Variants in NFX1 observed in about 807,000 individuals in gnomAD.
NFX1 encodes transcriptional repressor NF-X1.
In NFX1, 69 loss-of-function variants were observed where a neutral mutation model predicts 137.2. The observed-to-expected ratio is 0.50, with a 90% confidence interval of 0.41 to 0.61. NFX1 has a LOEUF of 0.61. Among genes scored for constraint, NFX1 ranks in the 20% least tolerant of loss-of-function variants. NFX1 has a pLI of 0.00. For synonymous variants in NFX1, 495 were observed against 474.1 expected (o/e 1.04, Z -0.57); for missense variants, 1,167 against 1,391.0 (o/e 0.84, Z 2.56).
intron 6 of NFX1, among the ~76,000 whole-genome samples, chr9:33,312,350 G>GTTAC (rs1348126608): frequency 6.6e-6 from 1 of 152,188 alleles, no homozygotes; most frequent in Non-Finnish European, 1.5e-5. Flanking sequence ...ACTTCAAGGG[G>GTTAC]TTACTGTTAG....
intron 2 of NFX1, among the ~76,000 whole-genome samples, chr9:33,298,518 C>G (rs1821439542): frequency 6.6e-6 from 1 of 152,216 alleles, no homozygotes; most frequent in Non-Finnish European, 1.5e-5. Context: ...TGGCTCACAT[C>G]TGTAATCCCA....
rs534044188 is a variant in NFX1 at position 33,351,445 on chromosome 9, GAAAAC to G, written c.2425-104_2425-100del. 107 of 1,041,646 alleles carry G rather than the reference GAAAAC, an allele frequency of 1.0e-4. No individual in the cohort carries two copies. In the African/African-American group the frequency reaches 1.3e-3, roughly 13 times the overall value. The allele number at this position is 1,041,646 out of a possible 1,614,324, so 64.5% of individuals were successfully genotyped here. A position where few individuals can be genotyped will look rare whatever the true frequency, so the allele number is the denominator to read the frequency against. ...TGGGCAACAGTGAAACCCTATATCC[GAAAAC>G]AAAACAAAACCAAACCCTGCCATAA... On this transcript the variant is annotated intron_variant, in intron 15 of 23. Transcript: ENST00000379540.
rs767363650 is a variant in NFX1, at chr9:33,366,772, C to A, written c.3183C>A (p.Ile1061=). The change falls in exon 22 of 24, where the codon ATC becomes ATA. Residue 1061 remains isoleucine (I), a splice_region_variant and synonymous_variant. Coordinates refer to ENST00000379540, the MANE Select transcript of NFX1 (RefSeq NM_002504.6). ...AGCGCAATGTGGTGGTCACTGCCAT[C>A]AGGTAGGTCAATCCCGCCGTCAGAG... ...EPKRNVVVTA[I]RGKSVCPPTT... is the part of the protein sequence containing the mutation. 1 of 1,613,400 alleles carries A rather than the reference C, an allele frequency of 6.2e-7. No homozygotes were observed. The highest frequency in any genetic ancestry group is 1.7e-5 in the Admixed American group (1 of 59,998).
chr9:33,297,405 AGTT>A (rs1247804596), intron 2 of NFX1, among the ~76,000 whole-genome samples: 2 of 152,220 alleles, frequency 1.3e-5, no homozygotes, highest in African/African-American at 2.4e-5. Flanking sequence ...GTTATACCAG[AGTT>A]GTTACTGAAT....
Position 33,294,971 on chromosome 9 carries a change from A to T in NFX1, c.577A>T (p.Ser193Cys). Reference protein sequence around the residue: ...KVKGKLKCEWSNRTTPKPEDA... With the variant: ...KVKGKLKCEWCNRTTPKPEDA... ...CAAGGGGAAACTCAAATGTGAATGGAGTAACCGAACAACTCCAAAACCGGA... is the reference window on the plus strand; with the variant it reads ...CAAGGGGAAACTCAAATGTGAATGGTGTAACCGAACAACTCCAAAACCGGA... Residue 193 changes from serine (S) to cysteine (C), a missense_variant, in exon 2 of 24, where the codon AGT becomes TGT. Ser to Cys is a moderately radical substitution (Grantham distance 112, BLOSUM62 -1). Transcript: ENST00000379540. 1 of 1,614,170 alleles carries T rather than the reference A, an allele frequency of 6.2e-7. No homozygotes were observed. Among genetic ancestry groups the T allele is most frequent in the South Asian group, 1.1e-5 (1 of 91,084 alleles).
At chr9:33,301,890 G>T (rs1248748051) in intron 3 of NFX1, among the ~76,000 whole-genome samples, 1 of 152,122 alleles carries the variant, frequency 6.6e-6, no homozygotes, top group Non-Finnish European at 1.5e-5. Context: ...TGGCCAACAT[G>T]GCAAAACTCC....
rs182567295 is a variant in NFX1 at position 33,359,370 on chromosome 9, G to A, written c.2873+4478G>A. On this transcript the variant is annotated intron_variant, in intron 19 of 23. Transcript: ENST00000379540. ...TCCCAGCACTTTGGGAGACTGAGGC[G>A]GGCGGATCACTTGAGGTCAAGAGTT... Among the ~76,000 whole-genome samples, 1,506 of 152,072 alleles carry A rather than the reference G, an allele frequency of 9.9e-3. 30 individuals carry two copies. Among genetic ancestry groups the A allele is most frequent in the African/African-American group, 0.034 (1,392 of 41,502 alleles).
chr9:33,328,642 A>C lies in NFX1; in HGVS notation c.1968A>C (p.Thr656=). The C allele has an allele frequency of 1.2e-6, 2 of 1,612,444 alleles. No individual in the cohort carries two copies. Among genetic ancestry groups the C allele is most frequent in the Non-Finnish European group, 1.7e-6 (2 of 1,178,592 alleles). Residue 656 remains threonine (T), a synonymous_variant, in exon 10 of 24, where the codon ACA becomes ACC. Transcript: ENST00000379540. ...HEGDCGPCSR[T]SVISCRCSFR... is the part of the protein sequence containing the mutation. ...GAGACTGTGGACCATGCTCTCGCAC[A>C]TCAGTTATTTCCTGCAGATGCTCTT...
At chr9:33,351,231 G>C (rs1285209906) in intron 15 of NFX1, among the ~76,000 whole-genome samples, 1 of 152,158 alleles carries the variant, frequency 6.6e-6, no homozygotes, top group Non-Finnish European at 1.5e-5. Context: ...GCCTAGGCGG[G>C]TGGATCGCTT....
chr9:33,323,759 A>C lies in NFX1; in HGVS notation c.1906+4632A>C, dbSNP rs534051912. ...CAGAGCAAGACTTCATCTCAAAAAA[A>C]AAAACAAACAAAAAAAAACAAATAA... On this transcript the variant is annotated intron_variant, in intron 9 of 23. Coordinates refer to ENST00000379540, the MANE Select transcript of NFX1 (RefSeq NM_002504.6). 2.0e-5 allele frequency among the ~76,000 whole-genome samples: 3 copies of C among 151,308 alleles called. 1 individual carries two copies. The highest frequency in any genetic ancestry group is 7.2e-5 in the African/African-American group (3 of 41,414).
chr9:33,342,829 A>C lies in NFX1; in HGVS notation c.2199A>C (p.Gly733=). The C allele has an allele frequency of 6.2e-7, 1 of 1,613,300 alleles. No homozygotes were observed. The highest frequency in any genetic ancestry group is 8.5e-7 in the Non-Finnish European group (1 of 1,179,694). Residue 733 remains glycine (G), a synonymous_variant, in exon 13 of 24, where the codon GGA becomes GGC. Coordinates refer to ENST00000379540, the MANE Select transcript of NFX1 (RefSeq NM_002504.6). ...LHRCEEPCHR[G]NCQTCWQASF... ...GGTGTGAAGAACCTTGTCATCGTGGAAACTGCCAGACATGCTGGCAAGCCA... is the reference window on the plus strand; with the variant it reads ...GGTGTGAAGAACCTTGTCATCGTGGCAACTGCCAGACATGCTGGCAAGCCA...
At chr9:33,360,649 G>A (rs12338004) in intron 19 of NFX1, among the ~76,000 whole-genome samples, 7,798 of 152,138 alleles carry the variant, frequency 0.051, 612 homozygotes, top group African/African-American at 0.17. Flanking sequence ...ATACACCTGT[G>A]TGTATATATA....
chr9:33,353,960 G>A, intron 17 of NFX1, 126 bp from the exon 18 acceptor site: 1 of 794,262 alleles, frequency 1.3e-6, no homozygotes. Flanking sequence ...AAAGTGCTGG[G>A]CTTACAGGCG....
intron 12 of NFX1, among the ~76,000 whole-genome samples, 174 bp from the exon 13 acceptor site, chr9:33,342,570 ATT>A (rs1823267541): frequency 6.6e-6 from 1 of 152,238 alleles, no homozygotes; most frequent in African/African-American, 2.4e-5. Flanking sequence ...CTCATGACGA[ATT>A]TTGTTTTATC....
chr9:33,332,438 A>G (rs1822841109), intron 10 of NFX1, 34 bp from the exon 11 acceptor site: 1 of 1,576,822 alleles, frequency 6.3e-7, no homozygotes, highest in African/African-American at 1.3e-5. Context: ...AGTTATTCCT[A>G]AAGTAGTTAC....
chr9:33,290,674 C>A (rs1821123176), intron 1 of NFX1, 77 bp downstream of exon 1: 2 of 1,441,682 alleles, frequency 1.4e-6, no homozygotes, highest in African/African-American at 2.8e-5. Flanking sequence ...TCTAGGGCCT[C>A]AGCCACTCAT....
At chr9:33,310,657 A>G (rs922342295) in intron 5 of NFX1, among the ~76,000 whole-genome samples, 1 of 152,034 alleles carries the variant, frequency 6.6e-6, no homozygotes, top group Non-Finnish European at 1.5e-5. Context: ...TTACTTCACT[A>G]GCTGATAGTA....
In NFX1 at chr9:33,307,190, C is replaced by T. The variant is rs1253879767; in HGVS notation, c.1271-4C>T. ...CATTGACTCTCTGATCTGATATGTT[C>T]TAGGCAAGGTAAAGAATCCTGAGTG... On this transcript the variant is annotated splice_polypyrimidine_tract_variant and splice_region_variant and intron_variant, in intron 4 of 23. Coordinates refer to ENST00000379540, the MANE Select transcript of NFX1 (RefSeq NM_002504.6). 1.2e-6 allele frequency: 2 copies of T among 1,613,130 alleles called. No homozygotes were observed. The highest frequency in any genetic ancestry group is 2.2e-5 in the East Asian group (1 of 44,890).
At position 33,290,541 on chromosome 9, in the gene NFX1, T is replaced by G. The variant is rs771405424; in HGVS notation, c.-32T>G. The G allele has an allele frequency of 2.1e-5, 34 of 1,613,842 alleles. No individual in the cohort carries two copies. The highest frequency in any genetic ancestry group is 2.9e-5 in the Non-Finnish European group (34 of 1,179,860). On this transcript the variant is annotated 5_prime_UTR_variant, in exon 1 of 24. Transcript: ENST00000379540. ...GACCTGGTGACAGTGCTGACTTGGC[T>G]GTACAGCTCGATCTAGGTTCTGCGG...
Sources: gnomAD v4.1 joint callset for allele counts (sites outside exome capture counted in the v4.1 genomes callset) on GRCh38, gnomAD v4.1.1 for gene constraint, MANE v1.5 for transcripts, NCBI Gene and HGNC (gene_info 2026-07-23, HGNC 2026-07-21) for gene names.